The following ABI2 variants were observed in gnomAD, a reference collection of about 807,000 sequenced individuals.
ABI2 encodes the protein abelson interactor 2.
Under a neutral mutation model 59.2 loss-of-function variants are expected in ABI2, and 25 were observed. That is an observed-to-expected ratio of 0.42 (90% CI 0.31 to 0.59). ABI2 has a LOEUF of 0.59. Ranked by LOEUF, ABI2 falls within the 20% of genes least tolerant of loss-of-function variation. The probability of loss-of-function intolerance (pLI) is 0.14; values close to 1 mark genes in which losing one functional copy is unlikely to be tolerated. For missense variants in ABI2, 545 were observed against 681.8 expected (o/e 0.80, Z 2.23); for synonymous variants, 213 against 235.5 (o/e 0.90, Z 0.87).
intron 1 of ABI2, among the ~76,000 whole-genome samples, chr2:203,355,627 C>G (rs2091514784): frequency 6.6e-6 from 1 of 151,632 alleles, no homozygotes; most frequent in African/African-American, 2.4e-5. Context: ...GTCTGGAGTT[C>G]CAGACCAGCC....
chr2:203,362,755 G>C, intron 1 of ABI2, among the ~76,000 whole-genome samples: 1 of 152,094 alleles, frequency 6.6e-6, no homozygotes, highest in Non-Finnish European at 1.5e-5. Flanking sequence ...TTGAACTCCT[G>C]ACCTCAGGTG....
chr2:203,378,572 C>T lies in ABI2; in HGVS notation c.286-1636C>T, dbSNP rs915286854. On this transcript the variant is annotated intron_variant, in intron 2 of 11. Transcript: ENST00000261018. Reference sequence around the variant, plus strand: ...GAAATAAGAGGCTTTGAATTTGTTTCAGGCTTACCTCATACTTGAGGCAGT... The same window carrying T: ...GAAATAAGAGGCTTTGAATTTGTTTTAGGCTTACCTCATACTTGAGGCAGT... Among the ~76,000 whole-genome samples, 3 of 152,134 alleles carry T rather than the reference C, an allele frequency of 2.0e-5. No individual in the cohort carries two copies. In the East Asian group the frequency reaches 5.8e-4, roughly 29 times the overall value.
At chr2:203,328,799 C>T in intron 1 of ABI2, 168 bp downstream of exon 1, 1 of 413,122 alleles carries the variant, frequency 2.4e-6, no homozygotes, top group Non-Finnish European at 4.3e-6. Flanking sequence ...AATTCTCCGG[C>T]TGGAGAAACT....
At position 203,432,078 on chromosome 2, in the gene ABI2, G is replaced by A. The variant is rs1256008658; in HGVS notation, c.*4726G>A. On this transcript the variant is annotated 3_prime_UTR_variant, in exon 12 of 12. Transcript: ENST00000261018. Reference sequence around the variant, plus strand: ...GTGCCATTAAACCACCTCCAGATGAGTGGAGGAACATCACTTTTTAATTTT... The same window carrying A: ...GTGCCATTAAACCACCTCCAGATGAATGGAGGAACATCACTTTTTAATTTT... The A allele has an allele frequency of 6.6e-6, 1 of 152,206 alleles. No homozygotes were observed. The highest frequency in any genetic ancestry group is 1.9e-4 in the East Asian group (1 of 5,204). 9.4% of individuals were successfully genotyped at this position (152,206 alleles called of 1,614,324 possible). A position where few individuals can be genotyped will look rare whatever the true frequency, so the allele number is the denominator to read the frequency against.
rs1390716159 is a variant in ABI2, at chr2:203,402,567, C to T, written c.1034-9C>T. Reference sequence around the variant, plus strand: ...TTAATGACATATGTATGTTCTATCTCTTTTTCAGGTCATCCTGTACAGTTC... The same window carrying T: ...TTAATGACATATGTATGTTCTATCTTTTTTTCAGGTCATCCTGTACAGTTC... On this transcript the variant is annotated splice_polypyrimidine_tract_variant and intron_variant, in intron 8 of 11. Coordinates refer to ENST00000261018, the MANE Select transcript of ABI2 (RefSeq NM_001375670.1). 1 of 1,469,720 alleles carries T rather than the reference C, an allele frequency of 6.8e-7. No homozygotes were observed. The highest frequency in any genetic ancestry group is 9.0e-7 in the Non-Finnish European group (1 of 1,108,900). The allele number at this position is 1,469,720 out of a possible 1,614,324, so 91.0% of individuals were successfully genotyped here. A position where few individuals can be genotyped will look rare whatever the true frequency, so the allele number is the denominator to read the frequency against.
At chr2:203,393,533 T>G (rs1430084720) in intron 5 of ABI2, among the ~76,000 whole-genome samples, 1 of 152,246 alleles carries the variant, frequency 6.6e-6, no homozygotes, top group Non-Finnish European at 1.5e-5. Flanking sequence ...ACCCAAGATT[T>G]CATCCAGTGT....
chr2:203,354,957 T>C (rs551393966), intron 1 of ABI2, among the ~76,000 whole-genome samples: 3 of 152,294 alleles, frequency 2.0e-5, no homozygotes, highest in South Asian at 4.1e-4. Context: ...TCTTCTAATA[T>C]CAGTTTCATC....
chr2:203,339,081 A>G (rs931226827), intron 1 of ABI2, among the ~76,000 whole-genome samples: 8 of 147,382 alleles, frequency 5.4e-5, no homozygotes, highest in African/African-American at 2.0e-4. Context: ...ACATTTTTTC[A>G]AAGAAGACAC....
chr2:203,333,103 T>C (rs985724620), intron 1 of ABI2, among the ~76,000 whole-genome samples: 1 of 152,144 alleles, frequency 6.6e-6, no homozygotes. Context: ...GGGAATATTA[T>C]CAGTCAGTTT....
chr2:203,338,332 C>T (rs1425977936), intron 1 of ABI2, among the ~76,000 whole-genome samples: 2 of 151,636 alleles, frequency 1.3e-5, no homozygotes, highest in Non-Finnish European at 2.9e-5. Flanking sequence ...ATGTTTGTTC[C>T]CTTCAAATCT....
chr2:203,331,808 CTTTTT>C (rs55695294), intron 1 of ABI2, among the ~76,000 whole-genome samples: 12 of 121,956 alleles, frequency 9.8e-5, no homozygotes, highest in Non-Finnish European at 1.2e-4. Flanking sequence ...GCTCAGTGTT[CTTTTT>C]TTTTTTTTTT....
intron 11 of ABI2, among the ~76,000 whole-genome samples, chr2:203,420,082 A>G (rs1000741868): frequency 9.9e-5 from 15 of 152,186 alleles, no homozygotes; most frequent in Admixed American, 7.9e-4. Flanking sequence ...ATGTACTGTA[A>G]ACTATTAATA....
At chr2:203,377,639 C>T (rs2095799053) in intron 2 of ABI2, among the ~76,000 whole-genome samples, 1 of 152,198 alleles carries the variant, frequency 6.6e-6, no homozygotes, top group Admixed American at 6.5e-5. Context: ...AGTACATTGG[C>T]TTACTCCTGT....
chr2:203,399,171 G>A (rs753612759), intron 8 of ABI2, among the ~76,000 whole-genome samples: 1 of 152,180 alleles, frequency 6.6e-6, no homozygotes, highest in Non-Finnish European at 1.5e-5. Flanking sequence ...GCAGCAATGT[G>A]TGAGTTTCCA....
intron 11 of ABI2, among the ~76,000 whole-genome samples, chr2:203,420,058 T>C (rs1041818095): frequency 2.0e-5 from 3 of 152,166 alleles, no homozygotes; most frequent in Admixed American, 6.6e-5. Context: ...AAAAGAAGCC[T>C]AGGAAAGTTA....
intron 2 of ABI2, among the ~76,000 whole-genome samples, chr2:203,378,009 G>A (rs1334266799): frequency 1.3e-5 from 2 of 152,056 alleles, no homozygotes; most frequent in Admixed American, 6.5e-5. Flanking sequence ...TAACTTTTCT[G>A]TTACAGTTTT....
intron 11 of ABI2, among the ~76,000 whole-genome samples, chr2:203,425,787 C>T (rs911091308): frequency 4.6e-5 from 7 of 151,610 alleles, no homozygotes; most frequent in Non-Finnish European, 1.0e-4. Flanking sequence ...TTTGGGAGGC[C>T]GAGGCAAGTG....
chr2:203,334,770 C>T (rs1172518404), intron 1 of ABI2, among the ~76,000 whole-genome samples: 2 of 151,782 alleles, frequency 1.3e-5, no homozygotes, highest in African/African-American at 2.4e-5. Flanking sequence ...AAGCAATTCT[C>T]CTGTCTCAGC....
At chr2:203,357,690 G>T (rs1393235441) in intron 1 of ABI2, among the ~76,000 whole-genome samples, 2 of 152,204 alleles carry the variant, frequency 1.3e-5, no homozygotes, top group Admixed American at 1.3e-4. Flanking sequence ...ATGATTAAAA[G>T]GAACAATTTA....
Sources: gnomAD v4.1 joint callset for allele counts (sites outside exome capture counted in the v4.1 genomes callset) on GRCh38, gnomAD v4.1.1 for gene constraint, MANE v1.5 for transcripts, NCBI Gene and HGNC (gene_info 2026-07-23, HGNC 2026-07-21) for gene names.